The following MAP3K5 variants were observed in gnomAD, a reference collection of about 807,000 sequenced individuals.
The protein encoded by MAP3K5 is ASK-1.
A neutral mutation model predicts 158.7 loss-of-function variants in MAP3K5; 56 were observed. The ratio of observed to expected loss-of-function variants is 0.35; its 90% CI spans 0.28 to 0.44. The LOEUF is 0.44. Among genes scored for constraint, MAP3K5 ranks in the 20% least tolerant of loss-of-function variants. MAP3K5 has a pLI of 1.00. For synonymous variants in MAP3K5, 579 were observed against 601.7 expected (o/e 0.96, Z 0.55); for missense variants, 1,294 against 1,674.8 (o/e 0.77, Z 3.97).
rs185268436 is a variant in MAP3K5, at chr6:136,759,345, T to C, written c.448+32365A>G. 3.1e-3 allele frequency among the ~76,000 whole-genome samples: 469 copies of C among 150,474 alleles called. 1 individual carries two copies. The highest frequency in any genetic ancestry group is 0.011 in the African/African-American group (437 of 40,932). ...TGAATGTACCATGTTCCTATAAAGATAAAAAGGCAAAAGTCAGTAACAAAA... is the reference window on the plus strand; with the variant it reads ...TGAATGTACCATGTTCCTATAAAGACAAAAAGGCAAAAGTCAGTAACAAAA... On this transcript the variant is annotated intron_variant, in intron 1 of 29. Transcript: ENST00000359015.
Position 136,792,168 on chromosome 6 carries a change from C to G in MAP3K5, c.-11G>C, listed in dbSNP as rs1348118450. The G allele has an allele frequency of 6.5e-6, 10 of 1,538,768 alleles. No homozygotes were observed. The highest frequency in any genetic ancestry group is 8.7e-6 in the Non-Finnish European group (10 of 1,146,052). On this transcript the variant is annotated 5_prime_UTR_variant, in exon 1 of 30. Transcript: ENST00000359015. This position sits in a 1 kb window ranked among gnomAD's most constrained non-coding sequence, Gnocchi z 5.7. ...CGCCTCCGTGCTCATCTCTCCGGGC[C>G]GGGCAGCAACGGCGGCGGCGTCCCC...
At chr6:136,785,250 G>A (rs1322994079) in intron 1 of MAP3K5, among the ~76,000 whole-genome samples, 1 of 152,200 alleles carries the variant, frequency 6.6e-6, no homozygotes, top group Non-Finnish European at 1.5e-5. Flanking sequence ...GCCAAAGCCT[G>A]GCAAGGTCAG....
intron 1 of MAP3K5, among the ~76,000 whole-genome samples, chr6:136,760,244 G>GTT (rs1002649456): frequency 6.6e-5 from 10 of 152,104 alleles, no homozygotes; most frequent in South Asian, 4.1e-4. Flanking sequence ...TCAGCAGTCA[G>GTT]TTATATATAT....
chr6:136,669,453 TA>T, intron 7 of MAP3K5, 58 bp from the exon 8 acceptor site: 1 of 960,944 alleles, frequency 1.0e-6, no homozygotes, highest in Non-Finnish European at 1.7e-6. Flanking sequence ...CCTGGGTGTG[TA>T]ATAGCTTCTG....
chr6:136,639,207 T>G (rs965554016), intron 13 of MAP3K5, among the ~76,000 whole-genome samples: 2 of 152,116 alleles, frequency 1.3e-5, no homozygotes, highest in African/African-American at 4.8e-5. Flanking sequence ...CTGAGACGAT[T>G]TAAAAGAATT....
Position 136,792,363 on chromosome 6 carries a change from GC to G in MAP3K5, c.-207del. 1 of 1,001,620 alleles carries G rather than the reference GC, an allele frequency of 1.0e-6. No individual in the cohort carries two copies. Among genetic ancestry groups the G allele is most frequent in the Non-Finnish European group, 1.2e-6 (1 of 841,992 alleles). 62.0% of individuals were successfully genotyped at this position (1,001,620 alleles called of 1,614,324 possible). A position where few individuals can be genotyped will look rare whatever the true frequency, so the allele number is the denominator to read the frequency against. On this transcript the variant is annotated 5_prime_UTR_variant, in exon 1 of 30. Transcript: ENST00000359015. The surrounding 1 kb of genome is among the most constrained non-coding windows in gnomAD (Gnocchi z 5.7). ...CGGCGGCGGCTCGCTCCTCCTCGGC[GC>G]CTCCGTGGCCGCGCCGCTCGCCCTC...
At chr6:136,742,622 C>T (rs1194591409) in intron 1 of MAP3K5, among the ~76,000 whole-genome samples, 3 of 151,842 alleles carry the variant, frequency 2.0e-5, no homozygotes, top group Non-Finnish European at 4.4e-5. Context: ...ATATCAAAGG[C>T]ATAATAAAAG....
At chr6:136,676,400 A>G (rs777800182) in intron 7 of MAP3K5, among the ~76,000 whole-genome samples, 31 of 152,316 alleles carry the variant, frequency 2.0e-4, no homozygotes, top group Admixed American at 4.6e-4. Flanking sequence ...TAGAAACTAC[A>G]TCCTTGGACC....
intron 3 of MAP3K5, among the ~76,000 whole-genome samples, chr6:136,703,592 A>C (rs1780945524): frequency 6.6e-6 from 1 of 152,256 alleles, no homozygotes; most frequent in South Asian, 2.1e-4. Flanking sequence ...GTGTGAGATA[A>C]ATTAAACAGT....
intron 1 of MAP3K5, among the ~76,000 whole-genome samples, chr6:136,728,528 T>A (rs1049138853): frequency 8.5e-5 from 13 of 152,210 alleles, no homozygotes; most frequent in African/African-American, 3.1e-4. Context: ...CAATCCCTAC[T>A]ATAAATGACT....
chr6:136,679,196 T>C (rs1779829409), intron 7 of MAP3K5, among the ~76,000 whole-genome samples: 1 of 152,228 alleles, frequency 6.6e-6, no homozygotes, highest in African/African-American at 2.4e-5. Flanking sequence ...GTCTTTGATA[T>C]AGAGTGATGA....
intron 25 of MAP3K5, among the ~76,000 whole-genome samples, chr6:136,579,199 C>T (rs183993497): frequency 1.3e-5 from 2 of 152,110 alleles, no homozygotes; most frequent in East Asian, 3.9e-4. Flanking sequence ...TTCTTTCTAC[C>T]TACCTACATA....
intron 25 of MAP3K5, among the ~76,000 whole-genome samples, chr6:136,569,517 C>T (rs1414959080): frequency 6.6e-6 from 1 of 152,204 alleles, no homozygotes; most frequent in Non-Finnish European, 1.5e-5. Flanking sequence ...CAACCAATTG[C>T]CAATCTTTGA....
chr6:136,645,962 A>C (rs1778235401), intron 11 of MAP3K5, among the ~76,000 whole-genome samples: 5 of 152,172 alleles, frequency 3.3e-5, no homozygotes, highest in African/African-American at 9.7e-5. Flanking sequence ...AGACCTATTA[A>C]ACTGGTTGCT....
At chr6:136,781,474 C>G (rs1784609927) in intron 1 of MAP3K5, among the ~76,000 whole-genome samples, 1 of 152,154 alleles carries the variant, frequency 6.6e-6, no homozygotes, top group African/African-American at 2.4e-5. Context: ...ATATGTAGTT[C>G]AAAATGTTTT....
chr6:136,763,145 A>C (rs1194975014), intron 1 of MAP3K5, among the ~76,000 whole-genome samples: 1 of 152,144 alleles, frequency 6.6e-6, no homozygotes, highest in Non-Finnish European at 1.5e-5. Flanking sequence ...GGTGCACGCC[A>C]CCATGCCCAG....
intron 23 of MAP3K5, 103 bp downstream of exon 23, chr6:136,592,070 A>G: frequency 9.5e-7 from 1 of 1,050,674 alleles, no homozygotes; most frequent in Non-Finnish European, 1.4e-6. Context: ...TGATCACTAC[A>G]GGTTCCTCTT....
At chr6:136,583,404 G>T in intron 24 of MAP3K5, 151 bp downstream of exon 24, 2 of 669,374 alleles carry the variant, frequency 3.0e-6, no homozygotes, top group South Asian at 2.4e-5. Flanking sequence ...ATACTTAGAA[G>T]CACACTGAGA....
rs1054651905 is a variant in MAP3K5, at chr6:136,613,511, G to A, written c.2279-255C>T. On this transcript the variant is annotated intron_variant, in intron 16 of 29. Coordinates refer to ENST00000359015, the MANE Select transcript of MAP3K5 (RefSeq NM_005923.4). The surrounding 1 kb of genome is among the most constrained non-coding windows in gnomAD (Gnocchi z 4.0). Reference sequence around the variant, plus strand: ...AAGTCATGATGATAGATACTGAAATGGTTCCCATATTTATGTATTGTCTCT... The same window carrying A: ...AAGTCATGATGATAGATACTGAAATAGTTCCCATATTTATGTATTGTCTCT... Among the ~76,000 whole-genome samples, 10 of 151,974 alleles carry A rather than the reference G, an allele frequency of 6.6e-5. No individual in the cohort carries two copies. Among genetic ancestry groups the A allele is most frequent in the African/African-American group, 2.4e-4 (10 of 41,390 alleles).
Sources: gnomAD v4.1 joint callset for allele counts (sites outside exome capture counted in the v4.1 genomes callset) on GRCh38, gnomAD v4.1.1 for gene constraint, Gnocchi (gnomAD v3.1) non-coding constraint, MANE v1.5 for transcripts, NCBI Gene and HGNC (gene_info 2026-07-23, HGNC 2026-07-21) for gene names.